The following KIF6 variants were observed in gnomAD, a reference collection of about 807,000 sequenced individuals.
The protein encoded by KIF6 is kinesin-like protein KIF6.
KIF6 carries 106 observed loss-of-function variants against 112.7 expected under a neutral mutation model. That is an observed-to-expected ratio of 0.94 (90% CI 0.80 to 1.11). The LOEUF is 1.11. Ranked by LOEUF, KIF6 falls within the 50% of genes least tolerant of loss-of-function variation. The probability of loss-of-function intolerance (pLI) is 0.00; values close to 1 mark genes in which losing one functional copy is unlikely to be tolerated. For missense variants in KIF6, 929 were observed against 964.0 expected, an observed-to-expected ratio of 0.96 and a Z score of 0.48; for synonymous variants, 339 against 339.9, an observed-to-expected ratio of 1.00 and a Z score of 0.03.
intron 21 of KIF6, 48 bp downstream of exon 21, chr6:39,345,652 C>T (rs370908730): frequency 4.3e-5 from 65 of 1,499,172 alleles, no homozygotes; most frequent in Middle Eastern, 1.8e-4. Flanking sequence ...AGGCCCACTC[C>T]GCCCACTGCA....
At chr6:39,406,144 C>T (rs1032558469) in intron 15 of KIF6, among the ~76,000 whole-genome samples, 2 of 152,180 alleles carry the variant, frequency 1.3e-5, no homozygotes, top group African/African-American at 2.4e-5. Flanking sequence ...CTCAGCTTCC[C>T]GAGTAGCTGG....
chr6:39,721,152 G>T (rs1397070163), intron 1 of KIF6, among the ~76,000 whole-genome samples: 1 of 152,102 alleles, frequency 6.6e-6, no homozygotes, highest in Middle Eastern at 3.2e-3. Flanking sequence ...CTTTAGTATT[G>T]TGTATCAGGA....
intron 14 of KIF6, among the ~76,000 whole-genome samples, chr6:39,430,275 C>T (rs899907676): frequency 4.6e-5 from 7 of 152,138 alleles, no homozygotes; most frequent in African/African-American, 1.7e-4. Context: ...CTCCTGAGAG[C>T]TCATCTACTT....
At chr6:39,520,635 G>A (rs907887571) in intron 13 of KIF6, among the ~76,000 whole-genome samples, 11 of 152,336 alleles carry the variant, frequency 7.2e-5, no homozygotes, top group South Asian at 6.2e-4. Flanking sequence ...CAGTTAGAGC[G>A]GATGTGGTAC....
intron 6 of KIF6, among the ~76,000 whole-genome samples, chr6:39,606,119 T>C (rs143675644): frequency 8.6e-5 from 13 of 152,040 alleles, no homozygotes; most frequent in African/African-American, 3.1e-4. Context: ...CTTCCTCTTC[T>C]TTTTCCCTCC....
chr6:39,451,499 A>G lies in KIF6; in HGVS notation c.1646-20338T>C, dbSNP rs532043977. Among the ~76,000 whole-genome samples, 10 of 152,318 alleles carry G rather than the reference A, an allele frequency of 6.6e-5. No homozygotes were observed. In the South Asian group the frequency reaches 2.1e-3, roughly 32 times the overall value. ...CACTGACAGCAGTTCTAGAGGAAAG[A>G]ACTGTTATAAAAATGCACTCTACTA... On this transcript the variant is annotated intron_variant, in intron 13 of 22. Transcript: ENST00000287152.
At chr6:39,695,735 T>C (rs1223879842) in intron 3 of KIF6, among the ~76,000 whole-genome samples, 2 of 152,188 alleles carry the variant, frequency 1.3e-5, no homozygotes, top group Non-Finnish European at 2.9e-5. Context: ...GAAAGCAATT[T>C]GGAGATTTCT....
intron 13 of KIF6, among the ~76,000 whole-genome samples, chr6:39,462,075 T>C (rs1024696014): frequency 9.9e-5 from 15 of 152,248 alleles, no homozygotes; most frequent in African/African-American, 3.6e-4. Context: ...GGCTATCATA[T>C]TGAATGGTGC....
At chr6:39,601,686 C>T (rs1782578794) in intron 6 of KIF6, among the ~76,000 whole-genome samples, 1 of 148,922 alleles carries the variant, frequency 6.7e-6, no homozygotes, top group Non-Finnish European at 1.5e-5. Context: ...TGCTCCAGCC[C>T]TTACATGCTA....
At chr6:39,468,749 G>A (rs1041821734) in intron 13 of KIF6, among the ~76,000 whole-genome samples, 4 of 151,272 alleles carry the variant, frequency 2.6e-5, no homozygotes, top group Non-Finnish European at 5.9e-5. Flanking sequence ...GACTCTAAAG[G>A]TTAATTCAAT....
intron 9 of KIF6, among the ~76,000 whole-genome samples, chr6:39,582,384 A>G (rs548077914): frequency 6.6e-6 from 1 of 152,004 alleles, no homozygotes; most frequent in Non-Finnish European, 1.5e-5. Flanking sequence ...TGAGGTACCA[A>G]TACTTTTTTT....
chr6:39,630,480 A>G lies in KIF6; in HGVS notation c.509+4369T>C, dbSNP rs188726613. 4.5e-4 allele frequency among the ~76,000 whole-genome samples: 69 copies of G among 152,070 alleles called. 1 individual carries two copies. The East Asian group carries it at 0.012, about 25-fold the overall frequency. The stretch of plus-strand genomic sequence containing the variant: ...TATTGTGTTTTACATTTTAAATTCC[A>G]ATTATTTATTGTTGGTATATAGGAA... On this transcript the variant is annotated intron_variant, in intron 5 of 22. Coordinates refer to ENST00000287152, the MANE Select transcript of KIF6 (RefSeq NM_145027.6).
intron 13 of KIF6, among the ~76,000 whole-genome samples, chr6:39,438,385 A>T (rs138811018): frequency 0.022 from 3,404 of 152,312 alleles, 54 homozygotes; most frequent in Non-Finnish European, 0.032. Context: ...AGGCATTGTT[A>T]TCATAGGAGA....
intron 1 of KIF6, among the ~76,000 whole-genome samples, chr6:39,723,311 TACA>T (rs1433597028): frequency 2.6e-5 from 4 of 152,226 alleles, no homozygotes; most frequent in South Asian, 2.1e-4. Context: ...GGAACAGGAA[TACA>T]ACATTATTAA....
chr6:39,685,248 G>A (rs1050750638), intron 3 of KIF6, among the ~76,000 whole-genome samples: 2 of 152,182 alleles, frequency 1.3e-5, no homozygotes, highest in African/African-American at 4.8e-5. Flanking sequence ...TACTTGAGAT[G>A]GCAAGACAAC....
At chr6:39,425,903 C>T (rs1288442478) in intron 14 of KIF6, among the ~76,000 whole-genome samples, 1 of 151,912 alleles carries the variant, frequency 6.6e-6, no homozygotes, top group African/African-American at 2.4e-5. Flanking sequence ...CACACGGTTT[C>T]TCTCCACCCT....
intron 3 of KIF6, among the ~76,000 whole-genome samples, chr6:39,696,182 T>C (rs1280792869): frequency 6.6e-6 from 1 of 152,152 alleles, no homozygotes; most frequent in Admixed American, 6.6e-5. Flanking sequence ...AAAATCTACC[T>C]GTTGGGTACT....
chr6:39,503,890 G>C (rs183028400), intron 13 of KIF6, among the ~76,000 whole-genome samples: 28 of 150,700 alleles, frequency 1.9e-4, no homozygotes, highest in African/African-American at 6.8e-4. Context: ...AAAAAGCCCA[G>C]GACCAGAAAG....
chr6:39,723,885 A>C (rs1406442176), intron 1 of KIF6, among the ~76,000 whole-genome samples: 5 of 152,188 alleles, frequency 3.3e-5, no homozygotes, highest in Non-Finnish European at 5.9e-5. Flanking sequence ...CCAGGACTTA[A>C]AGTATAATAA....
Sources: gnomAD v4.1 joint callset for allele counts (sites outside exome capture counted in the v4.1 genomes callset) on GRCh38, gnomAD v4.1.1 for gene constraint, MANE v1.5 for transcripts, NCBI Gene and HGNC (gene_info 2026-07-23, HGNC 2026-07-21) for gene names.